NDFIP2: variants seen among roughly 807,000 people sequenced by gnomAD.
NDFIP2 encodes the protein Nedd4 family interacting protein 2.
In NDFIP2, 19 loss-of-function variants were observed where a neutral mutation model predicts 36.0. The observed-to-expected ratio is 0.53, with a 90% CI of 0.37 to 0.77. The LOEUF is 0.77. Among genes scored for constraint, NDFIP2 ranks in the 30% least tolerant of loss-of-function variants. NDFIP2 has a pLI of 0.00. For missense variants in NDFIP2, 446 were observed against 435.8 expected, an observed-to-expected ratio of 1.02 and a Z score of -0.21; for synonymous variants, 181 against 167.7, an observed-to-expected ratio of 1.08 and a Z score of -0.61.
intron 1 of NDFIP2, among the ~76,000 whole-genome samples, chr13:79,503,514 A>G (rs1223146154): frequency 1.3e-5 from 2 of 152,158 alleles, no homozygotes; most frequent in African/African-American, 4.8e-5. Flanking sequence ...AGTGGAAGTA[A>G]GGAATGAAAA....
chr13:79,511,484 C>G (rs1406086162), intron 1 of NDFIP2, among the ~76,000 whole-genome samples: 5 of 152,166 alleles, frequency 3.3e-5, no homozygotes, highest in African/African-American at 1.2e-4. Context: ...TATTTACTTA[C>G]TAAATTATGG....
intron 1 of NDFIP2, among the ~76,000 whole-genome samples, chr13:79,502,058 A>G (rs748074761): frequency 5.3e-5 from 8 of 152,128 alleles, no homozygotes; most frequent in African/African-American, 1.2e-4. Flanking sequence ...TACCTGGAAC[A>G]TATTAGGCTT....
At chr13:79,504,169 A>G (rs1397673800) in intron 1 of NDFIP2, among the ~76,000 whole-genome samples, 1 of 152,172 alleles carries the variant, frequency 6.6e-6, no homozygotes, top group East Asian at 1.9e-4. Context: ...GTTTTTATAC[A>G]ATATATTCTA....
intron 7 of NDFIP2, among the ~76,000 whole-genome samples, chr13:79,551,733 A>G (rs536722064): frequency 6.6e-6 from 1 of 151,512 alleles, no homozygotes; most frequent in African/African-American, 2.4e-5. Context: ...CTTACTGGTT[A>G]TCCAGTGAAT....
chr13:79,548,487 T>C (rs975998356), intron 6 of NDFIP2, 93 bp downstream of exon 6: 26 of 1,008,174 alleles, frequency 2.6e-5, no homozygotes, highest in Middle Eastern at 4.3e-4. Flanking sequence ...GTGGAAATTA[T>C]TTTTCTTCTG....
At chr13:79,517,610 G>C (rs1167039926) in intron 1 of NDFIP2, among the ~76,000 whole-genome samples, 1 of 152,194 alleles carries the variant, frequency 6.6e-6, no homozygotes, top group Admixed American at 6.5e-5. Context: ...GACTGAGTTA[G>C]TGGGTTTTAC....
intron 2 of NDFIP2, among the ~76,000 whole-genome samples, chr13:79,526,050 G>A (rs1874783402): frequency 6.6e-6 from 1 of 152,188 alleles, no homozygotes; most frequent in Non-Finnish European, 1.5e-5. Flanking sequence ...CAGATGGAGA[G>A]AAGAGGTGGA....
At chr13:79,489,650 G>C (rs780226676) in intron 1 of NDFIP2, among the ~76,000 whole-genome samples, 37 of 152,184 alleles carry the variant, frequency 2.4e-4, no homozygotes, top group Non-Finnish European at 3.8e-4. Flanking sequence ...ACGCAGACTT[G>C]ATTGAAATGT....
intron 1 of NDFIP2, among the ~76,000 whole-genome samples, chr13:79,510,422 G>A (rs544169406): frequency 6.6e-6 from 1 of 151,230 alleles, no homozygotes; most frequent in Non-Finnish European, 1.5e-5. Flanking sequence ...GGCTGTGTAG[G>A]AGCCAAGGGA....
chr13:79,524,243 T>A (rs1333957463), intron 2 of NDFIP2, among the ~76,000 whole-genome samples: 2 of 152,212 alleles, frequency 1.3e-5, no homozygotes, highest in Admixed American at 6.5e-5. Flanking sequence ...CAAATCCTTC[T>A]CCACCAACTT....
At chr13:79,540,292 A>G (rs1467880118) in intron 4 of NDFIP2, among the ~76,000 whole-genome samples, 1 of 152,228 alleles carries the variant, frequency 6.6e-6, no homozygotes, top group East Asian at 1.9e-4. Flanking sequence ...AAACAGTAAC[A>G]TTTTAACATC....
intron 1 of NDFIP2, among the ~76,000 whole-genome samples, chr13:79,482,169 C>CTTTCTTT (rs1555355649): frequency 1.3e-5 from 1 of 75,876 alleles, no homozygotes; most frequent in Non-Finnish European, 2.5e-5. Flanking sequence ...TTCTTTCTTT[C>CTTTCTTT]TTTTTTTTTT....
intron 2 of NDFIP2, among the ~76,000 whole-genome samples, chr13:79,523,206 T>C (rs984225464): frequency 2.6e-5 from 4 of 152,096 alleles, no homozygotes; most frequent in Non-Finnish European, 4.4e-5. Flanking sequence ...CTATACATAC[T>C]GTTGTTTGTT....
chr13:79,525,422 GT>G (rs963386177), intron 2 of NDFIP2, among the ~76,000 whole-genome samples: 1 of 151,350 alleles, frequency 6.6e-6, no homozygotes, highest in East Asian at 1.9e-4. Context: ...CTCAGCCTAC[GT>G]TTTTTTTCTT....
chr13:79,549,402 A>G (rs1473196195), intron 6 of NDFIP2, among the ~76,000 whole-genome samples: 1 of 151,938 alleles, frequency 6.6e-6, no homozygotes, highest in African/African-American at 2.4e-5. Context: ...AAATGAGTAC[A>G]TTTGTGTGTA....
intron 5 of NDFIP2, among the ~76,000 whole-genome samples, chr13:79,546,145 G>A (rs73553448): frequency 0.059 from 9,047 of 152,172 alleles, 548 homozygotes; most frequent in African/African-American, 0.15. Flanking sequence ...AATGCTCCAA[G>A]TAAAACATTC....
intron 1 of NDFIP2, among the ~76,000 whole-genome samples, chr13:79,483,790 T>C (rs1219478426): frequency 2.6e-5 from 4 of 152,198 alleles, no homozygotes; most frequent in African/African-American, 9.6e-5. Flanking sequence ...GTTAAAAGCA[T>C]CCAAAATTTA....
intron 2 of NDFIP2, among the ~76,000 whole-genome samples, chr13:79,527,101 A>T (rs1411016476): frequency 6.6e-6 from 1 of 152,232 alleles, no homozygotes; most frequent in Admixed American, 6.5e-5. Flanking sequence ...ATAGAAACCT[A>T]GCATATAATG....
chr13:79,520,809 G>T lies in NDFIP2; in HGVS notation c.322-1G>T. ...GTTTTGTTTTTCTTTTGTTCTCTTA[G>T]CTTCTTAATGAAGAGGATAACTCAG... On this transcript the variant is annotated splice_acceptor_variant, in intron 1 of 7. Transcript: ENST00000218652. LOFTEE classifies it high-confidence loss of function. 1 of 1,597,226 alleles carries T rather than the reference G, an allele frequency of 6.3e-7. No homozygotes were observed. The highest frequency in any genetic ancestry group is 8.5e-7 in the Non-Finnish European group (1 of 1,170,916).
Sources: gnomAD v4.1 joint callset for allele counts (sites outside exome capture counted in the v4.1 genomes callset) on GRCh38, gnomAD v4.1.1 for gene constraint, MANE v1.5 for transcripts, NCBI Gene and HGNC (gene_info 2026-07-23, HGNC 2026-07-21) for gene names.